SLC1A2: variants seen among roughly 807,000 people sequenced by gnomAD.
SLC1A2 encodes solute carrier family 1 member 2.
SLC1A2 carries 15 observed loss-of-function variants against 48.8 expected under a neutral mutation model. The ratio of observed to expected loss-of-function variants is 0.31; its 90% CI spans 0.21 to 0.47. The LOEUF is 0.47. Among genes scored for constraint, SLC1A2 ranks in the 20% least tolerant of loss-of-function variants. The pLI is 0.99. For synonymous variants in SLC1A2, 279 were observed against 272.6 expected, an observed-to-expected ratio of 1.02 and a Z score of -0.23; for missense variants, 502 against 730.5, an observed-to-expected ratio of 0.69 and a Z score of 3.61.
chr11:35,345,879 T>C (rs1853012247), intron 1 of SLC1A2, among the ~76,000 whole-genome samples: 1 of 152,200 alleles, frequency 6.6e-6, no homozygotes, highest in African/African-American at 2.4e-5. Flanking sequence ...TTAAATGTTT[T>C]ATATTCATTT....
intron 1 of SLC1A2, among the ~76,000 whole-genome samples, chr11:35,318,395 T>C (rs569535374): frequency 3.3e-5 from 5 of 152,308 alleles, no homozygotes; most frequent in African/African-American, 1.2e-4. Context: ...TTTGATATCT[T>C]AGAACATTTT....
intron 9 of SLC1A2, among the ~76,000 whole-genome samples, chr11:35,277,788 C>CT (rs3838796): frequency 0.56 from 84,642 of 152,000 alleles, 24,271 homozygotes; most frequent in Middle Eastern, 0.65. Context: ...TGGATGGACC[C>CT]AATTATCACA....
chr11:35,331,673 C>T (rs138946437), intron 1 of SLC1A2, among the ~76,000 whole-genome samples: 4 of 152,284 alleles, frequency 2.6e-5, no homozygotes, highest in South Asian at 2.1e-4. Context: ...CATTCTCTTC[C>T]CACCTTTTCC....
chr11:35,283,902 G>T (rs1477414222), intron 8 of SLC1A2, among the ~76,000 whole-genome samples: 1 of 151,262 alleles, frequency 6.6e-6, no homozygotes, highest in Non-Finnish European at 1.5e-5. Context: ...TATTTTATTA[G>T]ACATCAATAA....
intron 9 of SLC1A2, among the ~76,000 whole-genome samples, chr11:35,277,694 CAA>C (rs1850486090): frequency 2.0e-5 from 3 of 152,172 alleles, no homozygotes; most frequent in Admixed American, 2.0e-4. Context: ...ACTTGAGAGG[CAA>C]AGAGTCAAGG....
At chr11:35,380,962 T>C (rs1052565504) in intron 1 of SLC1A2, among the ~76,000 whole-genome samples, 38 of 151,992 alleles carry the variant, frequency 2.5e-4, no homozygotes, top group African/African-American at 9.2e-4. Context: ...GGGATGGAGG[T>C]AGAAGAAAAG....
intron 1 of SLC1A2, among the ~76,000 whole-genome samples, chr11:35,328,543 A>T (rs3903688): frequency 0.77 from 117,889 of 152,198 alleles, 45,954 homozygotes; most frequent in East Asian, 0.93. Flanking sequence ...ATGTCACAAA[A>T]GTAATGGATG....
At chr11:35,371,338 A>T (rs1590239251) in intron 1 of SLC1A2, among the ~76,000 whole-genome samples, 1 of 151,764 alleles carries the variant, frequency 6.6e-6, no homozygotes, top group South Asian at 2.1e-4. Flanking sequence ...GTCCAGCTGG[A>T]CCCTCAGAAC....
intron 1 of SLC1A2, among the ~76,000 whole-genome samples, chr11:35,321,731 C>A (rs1477807010): frequency 6.6e-6 from 1 of 152,142 alleles, no homozygotes; most frequent in Non-Finnish European, 1.5e-5. Flanking sequence ...AGGTTTGCTC[C>A]CATGGCAATG....
intron 1 of SLC1A2, among the ~76,000 whole-genome samples, chr11:35,377,957 T>C (rs931185873): frequency 1.1e-4 from 16 of 152,232 alleles, no homozygotes; most frequent in African/African-American, 3.9e-4. Context: ...TGGCCATTGA[T>C]AAATAAAAAT....
chr11:35,291,550 C>T (rs1459729994), intron 7 of SLC1A2: 2 of 152,264 alleles, frequency 1.3e-5, no homozygotes, highest in Non-Finnish European at 2.9e-5. Flanking sequence ...GCATGAGCTA[C>T]TGCGCCCAGC....
In SLC1A2 at chr11:35,258,385, T is replaced by C. The variant is rs927063640; in HGVS notation, c.*2509A>G. 4 of 152,376 alleles carry C rather than the reference T, an allele frequency of 2.6e-5. No individual in the cohort carries two copies. Among genetic ancestry groups the C allele is most frequent in the East Asian group, 1.9e-4 (1 of 5,204 alleles). The allele number at this position is 152,376 out of a possible 1,614,324, so 9.4% of individuals were successfully genotyped here. On this transcript the variant is annotated 3_prime_UTR_variant, in exon 11 of 11. Coordinates refer to ENST00000278379, the MANE Select transcript of SLC1A2 (RefSeq NM_004171.4). ...GGCTAATAGGATAGCTAGGAAAAAGTTGAAGACAAAACACACCGGAAAGGT... is the reference window on the plus strand; with the variant it reads ...GGCTAATAGGATAGCTAGGAAAAAGCTGAAGACAAAACACACCGGAAAGGT...
intron 1 of SLC1A2, among the ~76,000 whole-genome samples, chr11:35,324,985 A>G (rs151113912): frequency 9.6e-4 from 146 of 152,322 alleles, no homozygotes; most frequent in African/African-American, 3.4e-3. Context: ...GCCCAGGAAC[A>G]TATTGGCCAG....
intron 1 of SLC1A2, among the ~76,000 whole-genome samples, chr11:35,382,657 G>A (rs748175265): frequency 5.3e-5 from 8 of 152,294 alleles, no homozygotes; most frequent in South Asian, 2.1e-4. Context: ...TTAGCTGGGC[G>A]TGGTGGCAGG....
intron 1 of SLC1A2, among the ~76,000 whole-genome samples, chr11:35,330,212 C>T (rs1852384056): frequency 6.6e-6 from 1 of 152,228 alleles, no homozygotes; most frequent in Admixed American, 6.5e-5. Context: ...TAAAGCACCT[C>T]AAGCTACTTA....
chr11:35,377,834 A>G (rs1315626330), intron 1 of SLC1A2, among the ~76,000 whole-genome samples: 15 of 152,226 alleles, frequency 9.9e-5, no homozygotes, highest in Admixed American at 9.8e-4. Flanking sequence ...TTGTTTTCTC[A>G]TTTTACATAC....
At chr11:35,320,926 G>T (rs976206878) in intron 1 of SLC1A2, among the ~76,000 whole-genome samples, 1 of 152,154 alleles carries the variant, frequency 6.6e-6, no homozygotes, top group African/African-American at 2.4e-5. Context: ...CTCAGAGGGG[G>T]GTTGTATTAG....
intron 9 of SLC1A2, among the ~76,000 whole-genome samples, chr11:35,272,431 C>CAA (rs1850304983): frequency 6.6e-6 from 1 of 152,120 alleles, no homozygotes; most frequent in Non-Finnish European, 1.5e-5. Flanking sequence ...GGGAAGATTC[C>CAA]CAGGATGCCC....
rs541711660 is a variant in SLC1A2, at chr11:35,331,774, C to T, written c.18-14258G>A. The stretch of plus-strand genomic sequence containing the variant: ...AAGTGACTCTTTGATGTTGTCTCTT[C>T]GAATAATCTTTTCCTGAGCCCCCAA... On this transcript the variant is annotated intron_variant, in intron 1 of 10. Coordinates refer to ENST00000278379, the MANE Select transcript of SLC1A2 (RefSeq NM_004171.4). 9.2e-5 allele frequency among the ~76,000 whole-genome samples: 14 copies of T among 152,282 alleles called. No individual in the cohort carries two copies. In the East Asian group the frequency reaches 1.9e-3, roughly 21 times the overall value.
Sources: allele counts gnomAD v4.1 joint callset (sites outside exome capture counted in the v4.1 genomes callset), GRCh38; gene constraint gnomAD v4.1.1; transcripts MANE v1.5; gene names NCBI Gene and HGNC (gene_info 2026-07-23, HGNC 2026-07-21).